The following HEMK2 variants were observed in gnomAD, a reference collection of about 807,000 sequenced individuals.
HEMK2 encodes HemK methyltransferase 2, ETF1 glutamine and histone H4 lysine, also known as methyltransferase HEMK2.
At chr21:28,649,526 C>G in the HEMK2 span, among the ~76,000 whole-genome samples, 2 of 152,146 alleles carry the variant, frequency 1.3e-5, no homozygotes, top group Non-Finnish European at 2.9e-5. Flanking sequence ...AGAGTATATT[C>G]TAGTTCGGGA....
the HEMK2 span, among the ~76,000 whole-genome samples, chr21:28,809,974 A>G: frequency 2.0e-5 from 3 of 152,162 alleles, no homozygotes; most frequent in East Asian, 1.9e-4. Context: ...ACTCTGCTAT[A>G]TAATGTCATG....
At chr21:28,717,636 C>T in the HEMK2 span, among the ~76,000 whole-genome samples, 2 of 151,858 alleles carry the variant, frequency 1.3e-5, no homozygotes, top group African/African-American at 4.8e-5. Context: ...CATGCCACCA[C>T]CTCCAGCTAA....
At chr21:28,789,248 G>A in the HEMK2 span, among the ~76,000 whole-genome samples, 1 of 152,116 alleles carries the variant, frequency 6.6e-6, no homozygotes, top group Non-Finnish European at 1.5e-5. Flanking sequence ...GTAATAGAAG[G>A]CTTTTTATTT....
At chr21:28,838,996 T>TATATAC in the HEMK2 span, among the ~76,000 whole-genome samples, 1 of 60,518 alleles carries the variant, frequency 1.7e-5, no homozygotes, top group Non-Finnish European at 2.7e-5. Context: ...TATATATATA[T>TATATAC]ATATACATAT....
At chr21:28,819,156 G>T in the HEMK2 span, among the ~76,000 whole-genome samples, 4 of 152,074 alleles carry the variant, frequency 2.6e-5, no homozygotes, top group Non-Finnish European at 5.9e-5. Context: ...ACAAATAATA[G>T]GGTATAGAAA....
At chr21:28,613,399 A>C in the HEMK2 span, among the ~76,000 whole-genome samples, 5 of 152,016 alleles carry the variant, frequency 3.3e-5, no homozygotes, top group Admixed American at 6.6e-5. Flanking sequence ...AGCAGCAAAA[A>C]GCTTAGTCAA....
the HEMK2 span, among the ~76,000 whole-genome samples, chr21:28,702,427 A>G: frequency 6.6e-6 from 1 of 152,168 alleles, no homozygotes; most frequent in Admixed American, 6.5e-5. Flanking sequence ...TTTGCAAACT[A>G]TGCATCAGAA....
At chr21:28,783,607 C>G in the HEMK2 span, among the ~76,000 whole-genome samples, 1 of 152,226 alleles carries the variant, frequency 6.6e-6, no homozygotes, top group African/African-American at 2.4e-5. Context: ...GTGCTGGCAG[C>G]CCTCGCTCGC....
chr21:28,789,896 A>G, the HEMK2 span, among the ~76,000 whole-genome samples: 1 of 152,184 alleles, frequency 6.6e-6, no homozygotes, highest in Non-Finnish European at 1.5e-5. Context: ...TCACTCACTC[A>G]TAGAAAACAA....
chr21:28,859,527 G>A, the HEMK2 span, among the ~76,000 whole-genome samples: 1 of 152,086 alleles, frequency 6.6e-6, no homozygotes, highest in Non-Finnish European at 1.5e-5. Flanking sequence ...CCTTAAGTGT[G>A]GTTACTTTTT....
At chr21:28,744,265 T>C in the HEMK2 span, among the ~76,000 whole-genome samples, 1 of 151,670 alleles carries the variant, frequency 6.6e-6, no homozygotes, top group Non-Finnish European at 1.5e-5. Context: ...TTTACAAAAA[T>C]AAAATAAATT....
the HEMK2 span, among the ~76,000 whole-genome samples, chr21:28,821,404 G>T: frequency 2.6e-5 from 4 of 152,138 alleles, no homozygotes; most frequent in Non-Finnish European, 4.4e-5. Context: ...TGGGTAATTT[G>T]CTGGAAATAT....
chr21:28,651,935 G>A, the HEMK2 span, among the ~76,000 whole-genome samples: 14 of 152,214 alleles, frequency 9.2e-5, no homozygotes, highest in Middle Eastern at 3.4e-3. Flanking sequence ...CATTATACCT[G>A]TCTTATAAAT....
At chr21:28,733,820 T>A in the HEMK2 span, among the ~76,000 whole-genome samples, 11 of 151,608 alleles carry the variant, frequency 7.3e-5, no homozygotes, top group Middle Eastern at 3.4e-3. Flanking sequence ...GTTGGTGTGC[T>A]GCACCCATTA....
the HEMK2 span, among the ~76,000 whole-genome samples, chr21:28,593,855 T>C: frequency 1.3e-5 from 2 of 152,192 alleles, no homozygotes; most frequent in Admixed American, 6.5e-5. Flanking sequence ...ATTCCAAATA[T>C]TTTATGTACT....
the HEMK2 span, chr21:28,876,486 T>C: frequency 6.2e-7 from 1 of 1,601,012 alleles, no homozygotes; most frequent in South Asian, 1.1e-5. Flanking sequence ...ATTTTCAAAA[T>C]TTCTTCTAAA....
the HEMK2 span, among the ~76,000 whole-genome samples, chr21:28,601,834 T>C: frequency 0.018 from 2,702 of 152,240 alleles, 105 homozygotes; most frequent in African/African-American, 0.063. Context: ...TGAAAAGCAA[T>C]GGAAAGTGTT....
At chr21:28,630,302 G>C in the HEMK2 span, among the ~76,000 whole-genome samples, 2 of 152,258 alleles carry the variant, frequency 1.3e-5, no homozygotes, top group East Asian at 3.9e-4. Context: ...AGGATGTGGA[G>C]AAATAGGAAC....
At chr21:28,787,057 GA>G in the HEMK2 span, among the ~76,000 whole-genome samples, 1 of 152,022 alleles carries the variant, frequency 6.6e-6, no homozygotes, top group Non-Finnish European at 1.5e-5. Flanking sequence ...GAAATAAATC[GA>G]AATACTTACA....
Sources: gnomAD v4.1 joint callset for allele counts (sites outside exome capture counted in the v4.1 genomes callset) on GRCh38, gnomAD v4.1.1 for gene constraint, MANE v1.5 for transcripts, NCBI Gene and HGNC (gene_info 2026-07-23, HGNC 2026-07-21) for gene names.